ATRIP: variants seen among roughly 807,000 people sequenced by gnomAD.
The protein encoded by ATRIP is ATR-interacting protein.
A neutral mutation model predicts 78.1 loss-of-function variants in ATRIP; 44 were observed. That is an observed-to-expected ratio of 0.56 (90% CI 0.44 to 0.72). The LOEUF is 0.72. Among genes scored for constraint, ATRIP ranks in the 30% least tolerant of loss-of-function variants. The pLI, the probability that ATRIP is intolerant of heterozygous loss-of-function variation, is 0.00. For synonymous variants in ATRIP, 388 were observed against 408.9 expected, an observed-to-expected ratio of 0.95 and a Z score of 0.62; for missense variants, 927 against 980.2, an observed-to-expected ratio of 0.95 and a Z score of 0.72.
At chr3:48,459,547 G>C (rs1234313060) in intron 6 of ATRIP, 93 bp downstream of exon 6, 2 of 1,347,148 alleles carry the variant, frequency 1.5e-6, no homozygotes, top group Non-Finnish European at 1.1e-6. Context: ...GGTGCCCCGG[G>C]CAGTCCTTCA....
intron 8 of ATRIP, chr3:48,461,445 G>A (rs904359236): frequency 6.6e-6 from 1 of 152,166 alleles, no homozygotes; most frequent in Admixed American, 6.6e-5. Flanking sequence ...TCTACCAAAG[G>A]GTCAGTTTCT....
chr3:48,459,475 C>T (rs767261632), intron 6 of ATRIP, 21 bp downstream of exon 6: 4 of 1,588,378 alleles, frequency 2.5e-6, no homozygotes, highest in Non-Finnish European at 3.5e-6. Flanking sequence ...CCCTGCTTCT[C>T]CTGCAGGGGC....
chr3:48,446,877 G>T lies in ATRIP; in HGVS notation c.32G>T (p.Arg11Met). ...GGGACCTCCGCGCCAGGCAGCAAGA[G>T]GCGGAGCGAGCCCCCGGCGCCTCGC... MAGTSAPGSKRRSEPPAPRPG... is the reference protein window; with the variant it reads MAGTSAPGSKMRSEPPAPRPG... Residue 11 changes from arginine (R) to methionine (M), a missense_variant, in exon 1 of 13, where the codon AGG becomes ATG. By Grantham distance (91) the Arg-to-Met change is moderately conservative. Coordinates refer to ENST00000320211, the MANE Select transcript of ATRIP (RefSeq NM_130384.3). The T allele has an allele frequency of 7.1e-7, 1 of 1,401,188 alleles. No individual in the cohort carries two copies. The highest frequency in any genetic ancestry group is 1.9e-5 in the South Asian group (1 of 53,702). The allele number at this position is 1,401,188 out of a possible 1,614,324, so 86.8% of individuals were successfully genotyped here. A position where few individuals can be genotyped will look rare whatever the true frequency, so the allele number is the denominator to read the frequency against.
chr3:48,450,278 C>T, intron 2 of ATRIP, 108 bp downstream of exon 2: 2 of 1,355,254 alleles, frequency 1.5e-6, no homozygotes. Context: ...CTAGATTCAT[C>T]CCTATGACAT....
In ATRIP at chr3:48,467,369, T is replaced by G. The variant is rs2040373376; in HGVS notation, c.*1815T>G. ...GGCCCATGTATGGGGTCACAGCCTC[T>G]GCTAGGACCAAGCCAAGACCATCTG... On this transcript the variant is annotated 3_prime_UTR_variant, in exon 13 of 13. Coordinates refer to ENST00000320211, the MANE Select transcript of ATRIP (RefSeq NM_130384.3). 1 of 1,614,028 alleles carries G rather than the reference T, an allele frequency of 6.2e-7. No individual in the cohort carries two copies. Among genetic ancestry groups the G allele is most frequent in the East Asian group, 2.2e-5 (1 of 44,898 alleles).
rs2039751373 is a variant in ATRIP, at chr3:48,448,695, T to C, written c.248-1342T>C. ...CTTTGTACATTGAGTATACTTTTCA[T>C]TCATTCATTTCCACTCATCTGGTTA... is the stretch of plus-strand genomic sequence containing the variant. On this transcript the variant is annotated intron_variant, in intron 1 of 12. Coordinates refer to ENST00000320211, the MANE Select transcript of ATRIP (RefSeq NM_130384.3). Among the ~76,000 whole-genome samples, 4 of 152,276 alleles carry C rather than the reference T, an allele frequency of 2.6e-5. No homozygotes were observed. In the South Asian group the frequency reaches 8.3e-4, roughly 32 times the overall value.
rs72556553 is a variant in ATRIP, at chr3:48,464,906, G to T, written c.2131G>T (p.Asp711Tyr). 1.1e-4 allele frequency: 171 copies of T among 1,613,954 alleles called. No homozygotes were observed. The highest frequency in any genetic ancestry group is 8.9e-5 in the Non-Finnish European group (105 of 1,180,002). ...GAGGGCAGGGGGACCCCCAAGGACCGACCAGCAGAGGCGGACAGTGCGCTG... is the reference window on the plus strand; with the variant it reads ...GAGGGCAGGGGGACCCCCAAGGACCTACCAGCAGAGGCGGACAGTGCGCTG... ...VRRAGGPPRT[D>Y]QQRRTVRCLR... Residue 711 changes from aspartate to tyrosine, a missense_variant, in exon 12 of 13, where the codon GAC becomes TAC. Transcript: ENST00000320211.
At position 48,467,534 on chromosome 3, in the gene ATRIP, G is replaced by C. The variant is rs368090024; in HGVS notation, c.*1980G>C. The stretch of plus-strand genomic sequence containing the variant: ...AGGGGCTGCTGGCCCCACTGGGTCT[G>C]CTGGCCATCCTGACCTTGGCAGTAG... On this transcript the variant is annotated 3_prime_UTR_variant, in exon 13 of 13. Transcript: ENST00000320211. 1.1e-4 allele frequency: 176 copies of C among 1,613,948 alleles called. 4 individuals carry two copies. The South Asian group carries it at 1.8e-3, about 16-fold the overall frequency.
At chr3:48,464,412 T>C (rs955235342) in intron 10 of ATRIP, among the ~76,000 whole-genome samples, 170 bp from the exon 11 acceptor site, 1 of 152,166 alleles carries the variant, frequency 6.6e-6, no homozygotes, top group Non-Finnish European at 1.5e-5. Context: ...TGGTGACACA[T>C]GAGTGCTTGT....
Position 48,467,114 on chromosome 3 carries a change from G to A in ATRIP, c.*1560G>A, listed in dbSNP as rs901216260. The A allele has an allele frequency of 1.2e-6, 2 of 1,613,866 alleles. No individual in the cohort carries two copies. The highest frequency in any genetic ancestry group is 2.2e-5 in the East Asian group (1 of 44,890). On this transcript the variant is annotated 3_prime_UTR_variant, in exon 13 of 13. Transcript: ENST00000320211. ...GTGCTCTGGATGGTGCCTTCTGTGT[G>A]GATAGCATCACTGCGCTGAAGGCCC...
chr3:48,448,269 C>G (rs1049409841), intron 1 of ATRIP, among the ~76,000 whole-genome samples: 12 of 146,842 alleles, frequency 8.2e-5, no homozygotes, highest in African/African-American at 2.8e-4. Context: ...TCAAGAGATT[C>G]TCTTGCCTCA....
intron 1 of ATRIP, among the ~76,000 whole-genome samples, chr3:48,449,801 G>A (rs1318239372): frequency 6.7e-6 from 1 of 149,696 alleles, no homozygotes; most frequent in African/African-American, 2.5e-5. Context: ...AGCCAGGCAT[G>A]GTGGCACACA....
rs747118585 is a variant in ATRIP at position 48,466,583 on chromosome 3, G to GATC, written c.*1030_*1032dup. On this transcript the variant is annotated 3_prime_UTR_variant, in exon 13 of 13. Coordinates refer to ENST00000320211, the MANE Select transcript of ATRIP (RefSeq NM_130384.3). ...CCCCTACCCCACTCCCTCCCCTTCG[G>GATC]ATCTTAACACTGGGCACTCACACAC... 38 of 1,613,782 alleles carry GATC rather than the reference G, an allele frequency of 2.4e-5. No homozygotes were observed. The highest frequency in any genetic ancestry group is 3.2e-5 in the Non-Finnish European group (38 of 1,179,980).
Position 48,466,423 on chromosome 3 carries a change from C to T in ATRIP, c.*869C>T. The stretch of plus-strand genomic sequence containing the variant: ...CGAGTCATGTGAAGAGGGAGACCCT[C>T]TCAGACAGTCGAATGTGCTGGTCCC... On this transcript the variant is annotated 3_prime_UTR_variant, in exon 13 of 13. Coordinates refer to ENST00000320211, the MANE Select transcript of ATRIP (RefSeq NM_130384.3). 1 of 1,609,300 alleles carries T rather than the reference C, an allele frequency of 6.2e-7. No homozygotes were observed. The highest frequency in any genetic ancestry group is 8.5e-7 in the Non-Finnish European group (1 of 1,177,452).
Position 48,466,439 on chromosome 3 carries a change from T to C in ATRIP, c.*885T>C, listed in dbSNP as rs2040300007. The C allele has an allele frequency of 6.2e-7, 1 of 1,612,684 alleles. No homozygotes were observed. The highest frequency in any genetic ancestry group is 8.5e-7 in the Non-Finnish European group (1 of 1,179,620). On this transcript the variant is annotated 3_prime_UTR_variant, in exon 13 of 13. Coordinates refer to ENST00000320211, the MANE Select transcript of ATRIP (RefSeq NM_130384.3). Reference sequence around the variant, plus strand: ...GGAGACCCTCTCAGACAGTCGAATGTGCTGGTCCCACTAAGGAAACCACCT... The same window carrying C: ...GGAGACCCTCTCAGACAGTCGAATGCGCTGGTCCCACTAAGGAAACCACCT...
chr3:48,460,219 G>T lies in ATRIP; in HGVS notation c.1165G>T (p.Val389Phe), dbSNP rs769769442. The T allele has an allele frequency of 1.9e-6, 3 of 1,614,034 alleles. No individual in the cohort carries two copies. The highest frequency in any genetic ancestry group is 2.7e-5 in the African/African-American group (2 of 74,920). Residue 389 changes from valine (V) to phenylalanine (F), a missense_variant, in exon 8 of 13, where the codon GTT (valine) becomes TTT (phenylalanine). Physicochemically the swap from Val to Phe is conservative, Grantham distance 50. Transcript: ENST00000320211. ...CCTGGCATTCACTGGACTGAATCTG[G>T]TTGCCCGGAATGAGTGCTCACGTGA... ...QNLAFTGLNL[V>F]ARNECSRDGD...
rs1437659615 is a variant in ATRIP at position 48,454,335 on chromosome 3, T to C, written c.588T>C (p.Asp196=). The change falls in exon 4 of 13, where the codon GAT becomes GAC. Residue 196 remains aspartate, a synonymous_variant. Transcript: ENST00000320211. ...TGCAGTCTGAACTCCAGTTTAAAGATGCAGAGATGAATGAATTAAGGACAA... is the reference window on the plus strand; with the variant it reads ...TGCAGTCTGAACTCCAGTTTAAAGACGCAGAGATGAATGAATTAAGGACAA... ...QSLQSELQFK[D]AEMNELRTKL... is the part of the protein sequence containing the mutation. 1.9e-6 allele frequency: 3 copies of C among 1,613,722 alleles called. No individual in the cohort carries two copies. In the Admixed American group the frequency reaches 5.0e-5, roughly 27 times the overall value.
Position 48,459,818 on chromosome 3 carries a change from G to A in ATRIP, c.957G>A (p.Gln319=). Residue 319 remains glutamine, a synonymous_variant, in exon 7 of 13, where the codon CAG becomes CAA. Transcript: ENST00000320211. ...TTTTGATAAACCTGCTCCTGAAGCA[G>A]CCTTTGATCCCAGGGTCATCCCTAA... ...GSILINLLLK[Q]PLIPGSSLSL... is the part of the protein sequence containing the mutation. 1.2e-6 allele frequency: 2 copies of A among 1,613,202 alleles called. No homozygotes were observed. The highest frequency in any genetic ancestry group is 1.7e-6 in the Non-Finnish European group (2 of 1,179,728).
Position 48,467,045 on chromosome 3 carries a change from C to CT in ATRIP, c.*1493dup, listed in dbSNP as rs753728190. On this transcript the variant is annotated 3_prime_UTR_variant, in exon 13 of 13. Coordinates refer to ENST00000320211, the MANE Select transcript of ATRIP (RefSeq NM_130384.3). ...TGGCACACAATGGTGACCGCTACGACTTCCCCCTGCTCCAAGCAGAGCTGG... is the reference window on the plus strand; with the variant it reads ...TGGCACACAATGGTGACCGCTACGACTTTCCCCCTGCTCCAAGCAGAGCTGG... 1 of 1,614,008 alleles carries CT rather than the reference C, an allele frequency of 6.2e-7. No homozygotes were observed. Among genetic ancestry groups the CT allele is most frequent in the Non-Finnish European group, 8.5e-7 (1 of 1,180,048 alleles).
Sources: allele counts gnomAD v4.1 joint callset (sites outside exome capture counted in the v4.1 genomes callset), GRCh38; gene constraint gnomAD v4.1.1; transcripts MANE v1.5; gene names NCBI Gene and HGNC (gene_info 2026-07-23, HGNC 2026-07-21).